Variants in BPIFC observed in about 807,000 individuals in gnomAD.
BPIFC encodes BPI fold containing family C.
A neutral mutation model predicts 57.6 loss-of-function variants in BPIFC; 60 were observed. The observed-to-expected ratio is 1.04, with a 90% CI of 0.85 to 1.29. The LOEUF (loss-of-function observed/expected upper bound fraction) is 1.29, where lower values mean the gene tolerates loss of function less well. BPIFC is among the 50% of genes most tolerant of loss of function. The probability of loss-of-function intolerance (pLI) is 0.00; values close to 1 mark genes in which losing one functional copy is unlikely to be tolerated. For missense variants in BPIFC, 581 were observed against 600.5 expected, an observed-to-expected ratio of 0.97 and a Z score of 0.34; for synonymous variants, 243 against 224.5, an observed-to-expected ratio of 1.08 and a Z score of -0.74.
intron 1 of BPIFC, 68 bp from the exon 2 acceptor site, chr22:32,461,729 G>T (rs1935163783): frequency 1.3e-6 from 1 of 747,688 alleles, no homozygotes; most frequent in African/African-American, 1.9e-5. Context: ...TCAGGTTAGT[G>T]GCTGCTGACC....
At chr22:32,459,619 T>C (rs1935117368) in intron 2 of BPIFC, among the ~76,000 whole-genome samples, 1 of 151,746 alleles carries the variant, frequency 6.6e-6, no homozygotes, top group South Asian at 2.1e-4. Context: ...GCCGAGATCA[T>C]GCCACTGCAC....
intron 13 of BPIFC, among the ~76,000 whole-genome samples, chr22:32,421,703 A>G (rs1048022339): frequency 2.6e-5 from 4 of 152,240 alleles, no homozygotes; most frequent in Non-Finnish European, 4.4e-5. Context: ...GACAGGTGCT[A>G]GAGATAGCAG....
At chr22:32,416,325 C>T (rs9609541) in intron 15 of BPIFC, among the ~76,000 whole-genome samples, 25,155 of 152,038 alleles carry the variant, frequency 0.17, 2,177 homozygotes, top group Middle Eastern at 0.19. Context: ...TCAGGTGATT[C>T]GCCTGCCTTG....
chr22:32,452,044 G>C (rs1934908347), intron 4 of BPIFC, among the ~76,000 whole-genome samples: 1 of 152,100 alleles, frequency 6.6e-6, no homozygotes. Flanking sequence ...GGGACTACAG[G>C]TGTGCACCAT....
At chr22:32,457,489 C>T in intron 2 of BPIFC, 103 bp from the exon 3 acceptor site, 5 of 1,369,712 alleles carry the variant, frequency 3.7e-6, no homozygotes, top group Non-Finnish European at 4.0e-6. Context: ...TGTTTACTTC[C>T]AGAACTCAAT....
intron 10 of BPIFC, among the ~76,000 whole-genome samples, chr22:32,434,090 A>ATG (rs1417120156): frequency 1.3e-5 from 2 of 149,578 alleles, no homozygotes; most frequent in Non-Finnish European, 3.0e-5. Context: ...AGTTATATAT[A>ATG]TATATATCTA....
intron 3 of BPIFC, among the ~76,000 whole-genome samples, chr22:32,456,568 C>A (rs1312667597): frequency 6.6e-6 from 1 of 151,912 alleles, no homozygotes; most frequent in Admixed American, 6.6e-5. Context: ...AGGTTGACTG[C>A]TTTAGTTAAA....
chr22:32,444,191 A>T (rs1311640495), intron 7 of BPIFC, among the ~76,000 whole-genome samples: 1 of 152,214 alleles, frequency 6.6e-6, no homozygotes, highest in African/African-American at 2.4e-5. Context: ...CTCGTTTCAA[A>T]CAGGGGAATG....
chr22:32,427,635 A>T (rs1417334121), intron 13 of BPIFC, among the ~76,000 whole-genome samples: 2 of 152,120 alleles, frequency 1.3e-5, no homozygotes, highest in East Asian at 3.9e-4. Flanking sequence ...GGCCGATCTC[A>T]GATGCTGCCA....
At chr22:32,427,470 T>C (rs1227039863) in intron 13 of BPIFC, among the ~76,000 whole-genome samples, 2 of 152,134 alleles carry the variant, frequency 1.3e-5, no homozygotes, top group East Asian at 3.9e-4. Flanking sequence ...CTGCCTCAGT[T>C]AGCAGCCCTG....
chr22:32,430,507 AAATAT>A (rs1421756835), intron 13 of BPIFC, among the ~76,000 whole-genome samples: 3 of 147,172 alleles, frequency 2.0e-5, no homozygotes, highest in East Asian at 1.9e-4. Flanking sequence ...TATAGGAAAT[AAATAT>A]AATATATAAA....
intron 14 of BPIFC, 27 bp downstream of exon 14, chr22:32,419,335 G>T (rs1362115759): frequency 1.9e-6 from 3 of 1,602,834 alleles, no homozygotes; most frequent in Non-Finnish European, 2.6e-6. Flanking sequence ...TCCAGTGCTT[G>T]GTAACCCCAA....
At chr22:32,447,413 C>CA in intron 4 of BPIFC, 73 bp from the exon 5 acceptor site, 2 of 1,540,292 alleles carry the variant, frequency 1.3e-6, no homozygotes, top group Non-Finnish European at 1.8e-6. Flanking sequence ...CTTGGGAACA[C>CA]AGTTGCAGAG....
intron 1 of BPIFC, among the ~76,000 whole-genome samples, chr22:32,462,501 A>G (rs1417876967): frequency 6.6e-6 from 1 of 152,226 alleles, no homozygotes; most frequent in African/African-American, 2.4e-5. Flanking sequence ...AAACCAGAGA[A>G]GAAATATTAC....
At chr22:32,417,249 C>T in intron 14 of BPIFC, 101 bp from the exon 15 acceptor site, 2 of 807,488 alleles carry the variant, frequency 2.5e-6, no homozygotes, top group Non-Finnish European at 4.0e-6. Flanking sequence ...GATCATGGCT[C>T]TCTCCAGCCT....
At chr22:32,414,851 T>G (rs1176716553) in intron 16 of BPIFC, among the ~76,000 whole-genome samples, 2 of 152,196 alleles carry the variant, frequency 1.3e-5, no homozygotes, top group Admixed American at 1.3e-4. Flanking sequence ...TCCTCTACCC[T>G]GGCCCTACTT....
chr22:32,418,226 G>C (rs558881258), intron 14 of BPIFC, among the ~76,000 whole-genome samples: 1 of 152,234 alleles, frequency 6.6e-6, no homozygotes, highest in South Asian at 2.1e-4. Flanking sequence ...TGTAATTTCA[G>C]CTCCCAACTA....
At chr22:32,443,981 T>C (rs59051970) in intron 7 of BPIFC, among the ~76,000 whole-genome samples, 4,746 of 152,248 alleles carry the variant, frequency 0.031, 277 homozygotes, top group African/African-American at 0.11. Context: ...AGGTGTTGCA[T>C]AGCCGGGATT....
Position 32,461,611 on chromosome 22 carries a change from G to A in BPIFC, c.-38C>T. ...CTAGATCCAGCTGATCTTCTGCTGT[G>A]CTGGGCCTTTCTTGATCCTTTAGTT... On this transcript the variant is annotated 5_prime_UTR_variant, in exon 2 of 17. Coordinates refer to ENST00000300399, the MANE Select transcript of BPIFC (RefSeq NM_174932.3). The A allele has an allele frequency of 1.0e-6, 1 of 985,570 alleles. No individual in the cohort carries two copies. The highest frequency in any genetic ancestry group is 1.2e-6 in the Non-Finnish European group (1 of 830,064). 61.1% of individuals were successfully genotyped at this position (985,570 alleles called of 1,614,324 possible).
Sources: gnomAD v4.1 joint callset for allele counts (sites outside exome capture counted in the v4.1 genomes callset) on GRCh38, gnomAD v4.1.1 for gene constraint, MANE v1.5 for transcripts, NCBI Gene and HGNC (gene_info 2026-07-23, HGNC 2026-07-21) for gene names.